CD101: variants seen among roughly 807,000 people sequenced by gnomAD.
CD101 encodes CD101 molecule.
A neutral mutation model predicts 98.2 loss-of-function variants in CD101; 76 were observed. The observed-to-expected ratio is 0.77, with a 90% CI of 0.64 to 0.94. The LOEUF is 0.94. CD101 is among the 40% of genes least tolerant of loss of function. The probability of loss-of-function intolerance (pLI) is 0.00; values close to 1 mark genes in which losing one functional copy is unlikely to be tolerated. For missense variants in CD101, 1,145 were observed against 1,218.8 expected (o/e 0.94, Z 0.90); for synonymous variants, 471 against 472.7 (o/e 1.00, Z 0.05).
rs74711866 is a variant in CD101, at chr1:117,021,246, C to T, written c.2018-327C>T. Among the ~76,000 whole-genome samples the T allele has an allele frequency of 0.022, 3,336 of 152,286 alleles. 120 individuals carry two copies. The highest frequency in any genetic ancestry group is 0.077 in the African/African-American group (3,178 of 41,526). On this transcript the variant is annotated intron_variant, in intron 6 of 9. Transcript: ENST00000682167. This position sits in a 1 kb window ranked among gnomAD's most constrained non-coding sequence, Gnocchi z 4.7. ...TATCATGTGGAAGAGAGATACTGGG[C>T]TTGTCTGTGTGACACTCCCTCTGCC...
intron 9 of CD101, 145 bp downstream of exon 9, chr1:117,034,279 CCTTT>C (rs1654660558): frequency 1.4e-6 from 1 of 692,010 alleles, no homozygotes; most frequent in African/African-American, 1.8e-5. Context: ...GTTAGGTGTT[CCTTT>C]GTGTCTTACC....
At chr1:117,015,433 C>T (rs1653142470) in intron 4 of CD101, among the ~76,000 whole-genome samples, 2 of 151,932 alleles carry the variant, frequency 1.3e-5, no homozygotes, top group Admixed American at 1.3e-4. Flanking sequence ...TTTGAAACTT[C>T]AGTTATGAGT....
In CD101 at chr1:117,010,358, T is replaced by C; in HGVS notation, c.424+128T>C. The C allele has an allele frequency of 1.0e-6, 1 of 961,878 alleles. No homozygotes were observed. The highest frequency in any genetic ancestry group is 1.5e-6 in the Non-Finnish European group (1 of 656,950). 59.6% of individuals were successfully genotyped at this position (961,878 alleles called of 1,614,324 possible). Reference sequence around the variant, plus strand: ...TTTGGGAAAAGAGCCCATGTACCCCTGTGGATATTTTGGAGATATGTCACA... The same window carrying C: ...TTTGGGAAAAGAGCCCATGTACCCCCGTGGATATTTTGGAGATATGTCACA... On this transcript the variant is annotated intron_variant, in intron 2 of 9. Transcript: ENST00000682167. This position sits in a 1 kb window ranked among gnomAD's most constrained non-coding sequence, Gnocchi z 5.2.
Position 117,010,225 on chromosome 1 carries a change from T to C in CD101, c.419T>C (p.Leu140Pro), listed in dbSNP as rs1412370756. 3 of 1,605,914 alleles carry C rather than the reference T, an allele frequency of 1.9e-6. No homozygotes were observed. Among genetic ancestry groups the C allele is most frequent in the African/African-American group, 2.7e-5 (2 of 74,778 alleles). ...YYGSYSAKTN[L>P]IVIPDTLSAT... is the part of the protein sequence containing the mutation. ...GGAAGTTACAGTGCAAAGACTAATC[T>C]AATTGGTAAGTTGCTTGTCCACTTC... Residue 140 changes from leucine (L) to proline (P), a missense_variant, in exon 2 of 10, where the codon CTA becomes CCA. Coordinates refer to ENST00000682167, the MANE Select transcript of CD101 (RefSeq NM_001256106.3). The surrounding 1 kb of genome is among the most constrained non-coding windows in gnomAD (Gnocchi z 5.2).
At position 117,022,067 on chromosome 1, in the gene CD101, G is replaced by T; in HGVS notation, c.2428+84G>T. On this transcript the variant is annotated intron_variant, in intron 7 of 9. Transcript: ENST00000682167. This position sits in a 1 kb window ranked among gnomAD's most constrained non-coding sequence, Gnocchi z 4.8. ...GGCAGCTGTTCTATGGAGTGATTAT[G>T]TGGAAGTAAAAATATGACCTAAAGT... is the stretch of plus-strand genomic sequence containing the variant. 1 of 1,438,158 alleles carries T rather than the reference G, an allele frequency of 7.0e-7. No homozygotes were observed. Among genetic ancestry groups the T allele is most frequent in the East Asian group, 2.3e-5 (1 of 43,862 alleles). 89.1% of individuals were successfully genotyped at this position (1,438,158 alleles called of 1,614,324 possible). A position where few individuals can be genotyped will look rare whatever the true frequency, so the allele number is the denominator to read the frequency against.
rs1653317818 is a variant in CD101 at position 117,017,584 on chromosome 1, A to T, written c.1612+111A>T. ...CCCCCAGTGATGGTATGTGTACCCT[A>T]GGACACAGAGCTAGTCTCTGGCTAC... On this transcript the variant is annotated intron_variant, in intron 5 of 9. Coordinates refer to ENST00000682167, the MANE Select transcript of CD101 (RefSeq NM_001256106.3). The T allele has an allele frequency of 1.6e-5, 17 of 1,052,410 alleles. No homozygotes were observed. The South Asian group carries it at 2.7e-4, about 17-fold the overall frequency. The allele number at this position is 1,052,410 out of a possible 1,614,324, so 65.2% of individuals were successfully genotyped here. A position where few individuals can be genotyped will look rare whatever the true frequency, so the allele number is the denominator to read the frequency against.
In CD101 at chr1:117,014,185, TTGTGTGTGTGTG is replaced by T. The variant is rs3220776; in HGVS notation, c.1228+426_1228+437del. On this transcript the variant is annotated intron_variant, in intron 4 of 9. Coordinates refer to ENST00000682167, the MANE Select transcript of CD101 (RefSeq NM_001256106.3). ...TGTGTATTAATGAAGCCCTCTGCCTTTGTGTGTGTGTGTGTGTGTGTGTGTGTGTGTGTGTGT... is the reference window on the plus strand; with the variant it reads ...TGTGTATTAATGAAGCCCTCTGCCTTTGTGTGTGTGTGTGTGTGTGTGTGT... Among the ~76,000 whole-genome samples, 902 of 141,252 alleles carry T rather than the reference TTGTGTGTGTGTG, an allele frequency of 6.4e-3. 2 individuals carry two copies. Among genetic ancestry groups the T allele is most frequent in the African/African-American group, 0.017 (652 of 38,386 alleles). 92.7% of individuals were successfully genotyped at this position (141,252 alleles called of 152,430 possible).
rs1204239288 is a variant in CD101 at position 117,033,556 on chromosome 1, A to G, written c.2825-304A>G. On this transcript the variant is annotated intron_variant, in intron 8 of 9. Transcript: ENST00000682167. The surrounding 1 kb of genome is among the most constrained non-coding windows in gnomAD (Gnocchi z 4.8). ...TATCTTTTCTGAAGAAAGAAGATTAAAGGAGAGGTTTTCTTTTTTGTTTTG... is the reference window on the plus strand; with the variant it reads ...TATCTTTTCTGAAGAAAGAAGATTAGAGGAGAGGTTTTCTTTTTTGTTTTG... 1.6e-4 allele frequency among the ~76,000 whole-genome samples: 24 copies of G among 152,290 alleles called. No individual in the cohort carries two copies. The highest frequency in any genetic ancestry group is 1.5e-5 in the Non-Finnish European group (1 of 68,026).
intron 8 of CD101, among the ~76,000 whole-genome samples, chr1:117,027,999 C>T (rs113617805): frequency 0.02 from 3,081 of 152,144 alleles, 115 homozygotes; most frequent in African/African-American, 0.069. Flanking sequence ...GCAGGAGAAT[C>T]GCTTGAACCC....
In CD101 at chr1:117,023,476, G is replaced by T. The variant is rs1653702532; in HGVS notation, c.2428+1493G>T. Among the ~76,000 whole-genome samples the T allele has an allele frequency of 6.6e-6, 1 of 151,934 alleles. No individual in the cohort carries two copies. On this transcript the variant is annotated intron_variant, in intron 7 of 9. Coordinates refer to ENST00000682167, the MANE Select transcript of CD101 (RefSeq NM_001256106.3). This position sits in a 1 kb window ranked among gnomAD's most constrained non-coding sequence, Gnocchi z 4.4. ...TCTGTTGCTCAGGCTGGAGTCAGTG[G>T]TATGATCTTAGCTCACTGCAACCTC...
chr1:117,008,345 ATCC>A (rs2101114967), intron 1 of CD101, among the ~76,000 whole-genome samples: 1 of 152,194 alleles, frequency 6.6e-6, no homozygotes, highest in East Asian at 1.9e-4. Context: ...CATGCCTGTA[ATCC>A]TAGCTACTCA....
chr1:117,022,006 C>T lies in CD101; in HGVS notation c.2428+23C>T. The T allele has an allele frequency of 1.3e-6, 2 of 1,576,108 alleles. No homozygotes were observed. Among genetic ancestry groups the T allele is most frequent in the Non-Finnish European group, 1.7e-6 (2 of 1,163,034 alleles). On this transcript the variant is annotated intron_variant, in intron 7 of 9. Coordinates refer to ENST00000682167, the MANE Select transcript of CD101 (RefSeq NM_001256106.3). This position sits in a 1 kb window ranked among gnomAD's most constrained non-coding sequence, Gnocchi z 4.8. The stretch of plus-strand genomic sequence containing the variant: ...CAGGTAAACCTTGCGAGTGTATCCT[C>T]ACAATGTCTGTCTGTCTGACGGCTG...
Position 117,019,376 on chromosome 1 carries a change from C to T in CD101, c.2017+816C>T, listed in dbSNP as rs1460797148. ...CAAACGTGGTCACTGTCATTATTCT[C>T]TCTGCTGCTGTGCAACATTTTTGGT... On this transcript the variant is annotated intron_variant, in intron 6 of 9. Coordinates refer to ENST00000682167, the MANE Select transcript of CD101 (RefSeq NM_001256106.3). The surrounding 1 kb of genome is among the most constrained non-coding windows in gnomAD (Gnocchi z 4.3). Among the ~76,000 whole-genome samples the T allele has an allele frequency of 6.6e-6, 1 of 152,148 alleles. No homozygotes were observed. The highest frequency in any genetic ancestry group is 2.4e-5 in the African/African-American group (1 of 41,426).
intron 4 of CD101, among the ~76,000 whole-genome samples, chr1:117,016,372 G>C (rs1278311107): frequency 1.3e-5 from 2 of 151,770 alleles, no homozygotes; most frequent in Non-Finnish European, 2.9e-5. Context: ...ATAAGAAAGA[G>C]GAAGATTGTC....
At chr1:117,014,986 A>T (rs981131654) in intron 4 of CD101, among the ~76,000 whole-genome samples, 105 of 152,334 alleles carry the variant, frequency 6.9e-4, no homozygotes, top group African/African-American at 2.3e-3. Flanking sequence ...TCTCTGGAAC[A>T]TATCTGCAGG....
chr1:117,002,241 T>C (rs1652271911), intron 1 of CD101, among the ~76,000 whole-genome samples: 1 of 152,220 alleles, frequency 6.6e-6, no homozygotes, highest in Non-Finnish European at 1.5e-5. Flanking sequence ...TAAGGCTTGA[T>C]GGGATAACTA....
chr1:117,035,818 C>T (rs1289746998), intron 9 of CD101, among the ~76,000 whole-genome samples: 1 of 152,168 alleles, frequency 6.6e-6, no homozygotes, highest in Non-Finnish European at 1.5e-5. Context: ...TCCCAAAGTG[C>T]TGGGATTACA....
At chr1:117,027,112 T>C (rs1334539319) in intron 8 of CD101, among the ~76,000 whole-genome samples, 2 of 152,236 alleles carry the variant, frequency 1.3e-5, no homozygotes, top group Admixed American at 1.3e-4. Flanking sequence ...TAAATATGTA[T>C]AAAGTATCCA....
rs1009262 is a variant in CD101 at position 117,012,390 on chromosome 1, A to C, written c.841+424A>C. Among the ~76,000 whole-genome samples, 23,955 of 152,054 alleles carry C rather than the reference A, an allele frequency of 0.16. 2,004 individuals carry two copies. The highest frequency in any genetic ancestry group is 0.23 in the Middle Eastern group (69 of 294). ...TGCCTAAGCCCACCCAGCTGGTGAG[A>C]GTGGGGCTGGCATTCAAAGGGAGGC... On this transcript the variant is annotated intron_variant, in intron 3 of 9. Coordinates refer to ENST00000682167, the MANE Select transcript of CD101 (RefSeq NM_001256106.3). The surrounding 1 kb of genome is among the most constrained non-coding windows in gnomAD (Gnocchi z 4.0).
Sources: allele counts gnomAD v4.1 joint callset (sites outside exome capture counted in the v4.1 genomes callset), GRCh38; gene constraint gnomAD v4.1.1; non-coding constraint Gnocchi (gnomAD v3.1); transcripts MANE v1.5; gene names NCBI Gene and HGNC (gene_info 2026-07-23, HGNC 2026-07-21).